The following OR7C1 variants were observed in gnomAD, a reference collection of about 807,000 sequenced individuals.
The protein encoded by OR7C1 is olfactory receptor 7C1.
For synonymous variants in OR7C1, 152 were observed against 160.7 expected (o/e 0.95, Z 0.41); for missense variants, 324 against 383.3 (o/e 0.85, Z 1.29).
chr19:14,801,729 C>T (rs879944013), intron 2 of OR7C1, among the ~76,000 whole-genome samples: 6 of 152,140 alleles, frequency 3.9e-5, no homozygotes, highest in African/African-American at 1.4e-4. Context: ...TGGGAGGCCT[C>T]AGGAAACTTA....
intron 1 of OR7C1, among the ~76,000 whole-genome samples, chr19:14,830,860 C>T (rs1265217781): frequency 6.6e-6 from 1 of 152,166 alleles, no homozygotes; most frequent in African/African-American, 2.4e-5. Flanking sequence ...GACTCACAAT[C>T]TTCCTGCACC....
At chr19:14,828,087 T>C (rs370546644) in intron 1 of OR7C1, 1 of 1,613,002 alleles carries the variant, frequency 6.2e-7, no homozygotes, top group African/African-American at 1.3e-5. Context: ...GAGGTGGGAG[T>C]CTGAGATTGT....
chr19:14,818,874 T>C (rs2044728608), intron 1 of OR7C1, among the ~76,000 whole-genome samples: 1 of 152,228 alleles, frequency 6.6e-6, no homozygotes, highest in African/African-American at 2.4e-5. Flanking sequence ...AAATCACCTT[T>C]TATATGTATT....
chr19:14,822,437 T>G (rs2044745687), intron 1 of OR7C1, among the ~76,000 whole-genome samples: 1 of 135,998 alleles, frequency 7.4e-6, no homozygotes, highest in African/African-American at 2.8e-5. Flanking sequence ...CAGGCTAGAG[T>G]GCAGTGGTGC....
intron 1 of OR7C1, among the ~76,000 whole-genome samples, chr19:14,822,744 T>C (rs916127905): frequency 1.3e-5 from 2 of 152,150 alleles, no homozygotes; most frequent in Middle Eastern, 3.2e-3. Flanking sequence ...GTGGTTATAA[T>C]GTACATTTCT....
intron 1 of OR7C1, among the ~76,000 whole-genome samples, chr19:14,829,512 T>A (rs1442549576): frequency 1.3e-5 from 2 of 152,160 alleles, no homozygotes; most frequent in African/African-American, 2.4e-5. Context: ...TGGGACGTGC[T>A]TCTTTCAGAT....
chr19:14,831,964 A>G (rs1418903869), intron 1 of OR7C1, among the ~76,000 whole-genome samples: 1 of 152,196 alleles, frequency 6.6e-6, no homozygotes. Flanking sequence ...GATGGAGTGC[A>G]GTGGTGCAAT....
rs373791270 is a variant in OR7C1, at chr19:14,804,664, C to CGCAGGATAA, written c.-434-3909_-434-3901dup. Among the ~76,000 whole-genome samples the CGCAGGATAA allele has an allele frequency of 1.3e-4, 20 of 151,832 alleles. 1 individual carries two copies. The highest frequency in any genetic ancestry group is 4.9e-4 in the African/African-American group (20 of 41,226). Reference sequence around the variant, plus strand: ...AAATAGCCACAATACATAAACGAGTCGCAGGATAACGAGTCGCAGGGACTG... The same window carrying CGCAGGATAA: ...AAATAGCCACAATACATAAACGAGTCGCAGGATAAGCAGGATAACGAGTCGCAGGGACTG... On this transcript the variant is annotated intron_variant, in intron 2 of 4. Coordinates refer to ENST00000641666, the Ensembl canonical transcript of OR7C1.
chr19:14,806,518 T>C (rs954494230), intron 2 of OR7C1, among the ~76,000 whole-genome samples: 6 of 151,980 alleles, frequency 3.9e-5, no homozygotes, highest in Non-Finnish European at 8.8e-5. Flanking sequence ...TAGCTATTTA[T>C]CCTGATGCGC....
chr19:14,830,636 TA>T (rs1486885223), intron 1 of OR7C1, among the ~76,000 whole-genome samples: 9 of 152,246 alleles, frequency 5.9e-5, no homozygotes, highest in Admixed American at 2.0e-4. Flanking sequence ...CAATAGTATT[TA>T]ATTATGTCGG....
intron 1 of OR7C1, among the ~76,000 whole-genome samples, chr19:14,819,795 T>C (rs1423944160): frequency 2.0e-5 from 3 of 152,270 alleles, no homozygotes; most frequent in Non-Finnish European, 1.5e-5. Context: ...TATATTTTTA[T>C]ATTCTTTCAT....
Position 14,828,758 on chromosome 19 carries a change from CAAAAAAAAAAAAA to C in OR7C1, c.-623+6303_-623+6315del, listed in dbSNP as rs58983718. ...CTGGTGACAGAGCGAGACTCCATCT[CAAAAAAAAAAAAA>C]AAAAAAAAAAAAAAAAGAATGAGAA... is the stretch of plus-strand genomic sequence containing the variant. On this transcript the variant is annotated intron_variant, in intron 1 of 4. Coordinates refer to ENST00000641666, the Ensembl canonical transcript of OR7C1. 3.1e-4 allele frequency among the ~76,000 whole-genome samples: 11 copies of C among 35,158 alleles called. No homozygotes were observed. In the East Asian group the frequency reaches 5.5e-3, roughly 17 times the overall value. The allele number at this position is 35,158 out of a possible 152,430, so 23.1% of individuals were successfully genotyped here.
chr19:14,802,291 G>A (rs111506644), intron 2 of OR7C1, among the ~76,000 whole-genome samples: 30,666 of 151,960 alleles, frequency 0.2, 3,287 homozygotes, highest in Admixed American at 0.24. Flanking sequence ...AGACTGAGGC[G>A]GGTGGATCAC....
intron 1 of OR7C1, among the ~76,000 whole-genome samples, chr19:14,819,303 T>A (rs1311102621): frequency 6.6e-6 from 1 of 152,094 alleles, no homozygotes; most frequent in African/African-American, 2.4e-5. Flanking sequence ...CTATTTTTTT[T>A]AATGCTCTCC....
Position 14,827,212 on chromosome 19 carries a change from G to C in OR7C1, c.-623+7862C>G. On this transcript the variant is annotated intron_variant, in intron 1 of 4. Transcript: ENST00000641666. ...GAAATATAATAAGTATTAATAGAAG[G>C]AGCAAGTTCTATTTCCACTATCTGA... The C allele has an allele frequency of 2.1e-6, 3 of 1,408,968 alleles. 1 individual carries two copies. Among genetic ancestry groups the C allele is most frequent in the South Asian group, 3.4e-5 (2 of 59,026 alleles). 87.3% of individuals were successfully genotyped at this position (1,408,968 alleles called of 1,614,324 possible). A position where few individuals can be genotyped will look rare whatever the true frequency, so the allele number is the denominator to read the frequency against.
At chr19:14,804,238 A>G (rs1354910094) in intron 2 of OR7C1, among the ~76,000 whole-genome samples, 3 of 152,214 alleles carry the variant, frequency 2.0e-5, no homozygotes, top group Non-Finnish European at 4.4e-5. Context: ...GCCAAACTGC[A>G]AAGGTTGGGA....
intron 1 of OR7C1, chr19:14,826,517 T>C (rs1249490277): frequency 6.6e-6 from 1 of 152,142 alleles, no homozygotes; most frequent in Middle Eastern, 3.2e-3. Context: ...AACTTATATA[T>C]GGGCACTAAG....
intron 1 of OR7C1, among the ~76,000 whole-genome samples, chr19:14,821,658 T>G (rs143859699): frequency 9.2e-5 from 14 of 152,364 alleles, no homozygotes; most frequent in African/African-American, 3.1e-4. Flanking sequence ...GAAACTAGTT[T>G]GTAGGTACCC....
intron 2 of OR7C1, among the ~76,000 whole-genome samples, chr19:14,808,684 G>A (rs1036624794): frequency 4.0e-5 from 6 of 151,658 alleles, no homozygotes; most frequent in African/African-American, 1.5e-4. Flanking sequence ...TACACTATTT[G>A]AGTGATGGTT....
Sources: allele counts gnomAD v4.1 joint callset (sites outside exome capture counted in the v4.1 genomes callset), GRCh38; gene constraint gnomAD v4.1.1; transcripts MANE v1.5; gene names NCBI Gene and HGNC (gene_info 2026-07-23, HGNC 2026-07-21).